Variants in ETV6 observed in about 807,000 individuals in gnomAD.
ETV6 encodes the protein ETS variant transcription factor 6, also known as transcription factor ETV6.
Under a neutral mutation model 51.1 loss-of-function variants are expected in ETV6, and 16 were observed. That is an observed-to-expected ratio of 0.31 (90% CI 0.21 to 0.48). The LOEUF is 0.48. Among genes scored for constraint, ETV6 ranks in the 20% least tolerant of loss-of-function variants. The pLI is 0.99. For synonymous variants in ETV6, 240 were observed against 224.1 expected (o/e 1.07, Z -0.64); for missense variants, 458 against 594.8 (o/e 0.77, Z 2.39).
intron 7 of ETV6, among the ~76,000 whole-genome samples, chr12:11,889,681 G>T (rs149030392): frequency 8.9e-4 from 136 of 152,260 alleles, no homozygotes; most frequent in African/African-American, 2.9e-3. Context: ...AGCCAAGACC[G>T]CTAGACTGCA....
intron 3 of ETV6, among the ~76,000 whole-genome samples, chr12:11,849,607 A>G (rs974310966): frequency 3.9e-5 from 6 of 152,216 alleles, no homozygotes; most frequent in Non-Finnish European, 1.5e-5. Flanking sequence ...ACAAGCCAAA[A>G]CTAAGAACCA....
rs1322189508 is a variant in ETV6 at position 11,850,229 on chromosome 12, A to C, written c.329-3198A>C. ...GCTTCCTCCTGCACACTCGGGAAGA[A>C]CCCCTCTGACCCTGCTCCCTTGGCC... On this transcript the variant is annotated intron_variant, in intron 3 of 7. Coordinates refer to ENST00000396373, the MANE Select transcript of ETV6 (RefSeq NM_001987.5). Among the ~76,000 whole-genome samples the C allele has an allele frequency of 3.3e-5, 5 of 151,870 alleles. No homozygotes were observed. In the East Asian group the frequency reaches 9.6e-4, roughly 29 times the overall value.
At chr12:11,888,101 A>G (rs1947226523) in intron 7 of ETV6, among the ~76,000 whole-genome samples, 1 of 152,220 alleles carries the variant, frequency 6.6e-6, no homozygotes, top group Admixed American at 6.5e-5. Context: ...CATGATTCAC[A>G]TCGGGATTCA....
intron 1 of ETV6, among the ~76,000 whole-genome samples, chr12:11,671,062 C>G (rs1864303642): frequency 6.6e-6 from 1 of 152,044 alleles, no homozygotes; most frequent in South Asian, 2.1e-4. Flanking sequence ...TTCTTTTTCC[C>G]TAGACAGGGA....
chr12:11,768,095 T>A (rs1213734749), intron 2 of ETV6, among the ~76,000 whole-genome samples: 1 of 152,182 alleles, frequency 6.6e-6, no homozygotes, highest in Non-Finnish European at 1.5e-5. Flanking sequence ...CATGGTACAG[T>A]CCCAGTGTTG....
At chr12:11,809,812 CTTTTTTTTTTTTT>C (rs927002978) in intron 2 of ETV6, among the ~76,000 whole-genome samples, 1 of 81,764 alleles carries the variant, frequency 1.2e-5, no homozygotes, top group Non-Finnish European at 2.2e-5. Flanking sequence ...AGAGCTTCTG[CTTTTTTTTTTTTT>C]TTTTTTTTTT....
At chr12:11,856,369 C>T (rs865794664) in intron 4 of ETV6, among the ~76,000 whole-genome samples, 8 of 152,258 alleles carry the variant, frequency 5.3e-5, no homozygotes, top group Non-Finnish European at 1.0e-4. Flanking sequence ...TGCTTCAGAC[C>T]CAGCTCTTAA....
intron 4 of ETV6, among the ~76,000 whole-genome samples, chr12:11,856,164 G>C (rs566776685): frequency 6.6e-6 from 1 of 152,116 alleles, no homozygotes; most frequent in Non-Finnish European, 1.5e-5. Context: ...ATTTGCAGGA[G>C]CTCAGCAATA....
At chr12:11,713,698 T>C (rs1358833126) in intron 1 of ETV6, among the ~76,000 whole-genome samples, 1 of 152,232 alleles carries the variant, frequency 6.6e-6, no homozygotes, top group African/African-American at 2.4e-5. Flanking sequence ...TTGCCTTGCT[T>C]TGTTTTTCTT....
At chr12:11,877,466 C>T (rs1207904882) in intron 5 of ETV6, among the ~76,000 whole-genome samples, 1 of 152,140 alleles carries the variant, frequency 6.6e-6, no homozygotes, top group East Asian at 1.9e-4. Flanking sequence ...ACATGTGCAC[C>T]TTCGCACACA....
intron 1 of ETV6, among the ~76,000 whole-genome samples, chr12:11,748,698 G>C (rs1366264468): frequency 6.6e-6 from 1 of 152,148 alleles, no homozygotes; most frequent in African/African-American, 2.4e-5. Flanking sequence ...CTCCTACTGA[G>C]CACAGACTGT....
intron 1 of ETV6, among the ~76,000 whole-genome samples, chr12:11,676,547 C>T (rs1360846808): frequency 2.0e-5 from 3 of 152,194 alleles, no homozygotes; most frequent in Non-Finnish European, 2.9e-5. Flanking sequence ...CATGCCACTC[C>T]CTGAAACACT....
intron 1 of ETV6, among the ~76,000 whole-genome samples, chr12:11,702,310 A>G (rs1003390166): frequency 3.3e-5 from 5 of 152,188 alleles, no homozygotes. Flanking sequence ...TGAAGTTTTT[A>G]TAATTTCAAT....
In ETV6 at chr12:11,650,490, A is replaced by AAC. The variant is rs1479468856; in HGVS notation, c.33+331_33+332insCA. On this transcript the variant is annotated intron_variant, in intron 1 of 7. Coordinates refer to ENST00000396373, the MANE Select transcript of ETV6 (RefSeq NM_001987.5). ...CCGTAATTAGTGCGCTTAAAAAAAA[A>AAC]AAAAACAAAAAACAAAAAAAAAAAA... Among the ~76,000 whole-genome samples the AAC allele has an allele frequency of 4.4e-4, 28 of 63,402 alleles. 2 individuals are homozygous for AAC. Among genetic ancestry groups the AAC allele is most frequent in the South Asian group, 1.4e-3 (2 of 1,460 alleles). 41.6% of individuals were successfully genotyped at this position (63,402 alleles called of 152,430 possible).
In ETV6 at chr12:11,891,795, G is replaced by C; in HGVS notation, c.*749G>C. 1 of 348,604 alleles carries C rather than the reference G, an allele frequency of 2.9e-6. No individual in the cohort carries two copies. The highest frequency in any genetic ancestry group is 5.6e-6 in the Non-Finnish European group (1 of 179,510). 21.6% of individuals were successfully genotyped at this position (348,604 alleles called of 1,614,324 possible). On this transcript the variant is annotated 3_prime_UTR_variant, in exon 8 of 8. Coordinates refer to ENST00000396373, the MANE Select transcript of ETV6 (RefSeq NM_001987.5). Reference sequence around the variant, plus strand: ...CACCTAAACAGAATCAGTGACCCGGGTGCTTTGTGGCCAGCAGCACAGAAT... The same window carrying C: ...CACCTAAACAGAATCAGTGACCCGGCTGCTTTGTGGCCAGCAGCACAGAAT...
chr12:11,805,416 T>A (rs75299035), intron 2 of ETV6, among the ~76,000 whole-genome samples: 124 of 152,300 alleles, frequency 8.1e-4, no homozygotes, highest in Middle Eastern at 6.8e-3. Flanking sequence ...TAGTGGGACG[T>A]CAGACAGGAG....
intron 1 of ETV6, among the ~76,000 whole-genome samples, chr12:11,650,520 C>G (rs1863885240): frequency 1.6e-5 from 2 of 125,660 alleles, no homozygotes; most frequent in African/African-American, 3.2e-5. Flanking sequence ...AAAAAACCTG[C>G]TCCCTATTCC....
chr12:11,882,533 G>A (rs1205663508), intron 5 of ETV6, among the ~76,000 whole-genome samples: 1 of 152,208 alleles, frequency 6.6e-6, no homozygotes, highest in African/African-American at 2.4e-5. Flanking sequence ...AACAGCACCT[G>A]CCTCATAAGG....
At chr12:11,758,192 T>C (rs1274584339) in intron 2 of ETV6, among the ~76,000 whole-genome samples, 1 of 152,216 alleles carries the variant, frequency 6.6e-6, no homozygotes, top group African/African-American at 2.4e-5. Flanking sequence ...GTTGGCTCTA[T>C]TAGAGAGATG....
Sources: allele counts gnomAD v4.1 joint callset (sites outside exome capture counted in the v4.1 genomes callset), GRCh38; gene constraint gnomAD v4.1.1; transcripts MANE v1.5; gene names NCBI Gene and HGNC (gene_info 2026-07-23, HGNC 2026-07-21).